WIPF2: variants seen among roughly 807,000 people sequenced by gnomAD.
WIPF2 encodes WAS/WASL-interacting protein family member 2.
A neutral mutation model predicts 38.8 loss-of-function variants in WIPF2; 23 were observed. The observed-to-expected ratio is 0.59, with a 90% CI of 0.43 to 0.84. The LOEUF is 0.84. Among genes scored for constraint, WIPF2 ranks in the 40% least tolerant of loss-of-function variants. The pLI is 0.00. For synonymous variants in WIPF2, 210 were observed against 223.2 expected (o/e 0.94, Z 0.53); for missense variants, 574 against 580.5 (o/e 0.99, Z 0.11).
At position 40,278,259 on chromosome 17, in the gene WIPF2, T is replaced by G; in HGVS notation, c.*34T>G. ...TTGGTCCCGTTCCTCAGGAAAAGGA[T>G]GGACCTTCTCTTCTTCTCAGATGGT... On this transcript the variant is annotated 3_prime_UTR_variant, in exon 8 of 8. Coordinates refer to ENST00000323571, the MANE Select transcript of WIPF2 (RefSeq NM_133264.5). 1 of 1,611,166 alleles carries G rather than the reference T, an allele frequency of 6.2e-7. No individual in the cohort carries two copies. The highest frequency in any genetic ancestry group is 8.5e-7 in the Non-Finnish European group (1 of 1,178,478).
chr17:40,232,558 A>G (rs1161351651), intron 1 of WIPF2, among the ~76,000 whole-genome samples: 5 of 151,476 alleles, frequency 3.3e-5, no homozygotes, highest in Non-Finnish European at 7.4e-5. Context: ...CCTGAGCTCA[A>G]GTGATCCACC....
intron 1 of WIPF2, among the ~76,000 whole-genome samples, chr17:40,229,441 T>C (rs1409904570): frequency 6.6e-6 from 1 of 150,928 alleles, no homozygotes; most frequent in Non-Finnish European, 1.5e-5. Flanking sequence ...TTATTTGTTT[T>C]AGACAGAGTC....
intron 1 of WIPF2, among the ~76,000 whole-genome samples, chr17:40,238,297 T>A (rs755508317): frequency 4.4e-4 from 67 of 152,284 alleles, no homozygotes; most frequent in Non-Finnish European, 8.8e-4. Flanking sequence ...TATTCAATTT[T>A]TATTATTTAT....
chr17:40,222,465 G>A (rs1293958425), intron 1 of WIPF2, among the ~76,000 whole-genome samples: 2 of 150,552 alleles, frequency 1.3e-5, no homozygotes, highest in African/African-American at 2.4e-5. Flanking sequence ...CTGAGATCGC[G>A]CCATTGCACT....
At chr17:40,257,730 G>A (rs564493076) in intron 2 of WIPF2, among the ~76,000 whole-genome samples, 25 of 137,336 alleles carry the variant, frequency 1.8e-4, no homozygotes, top group Admixed American at 1.3e-3. Context: ...GCGACAGAGC[G>A]AGGCTCCATC....
chr17:40,253,995 C>T (rs1013403794), intron 1 of WIPF2, among the ~76,000 whole-genome samples: 2 of 151,820 alleles, frequency 1.3e-5, no homozygotes, highest in Admixed American at 1.3e-4. Context: ...CCAGGCCTTC[C>T]CAGTGGGCTG....
intron 3 of WIPF2, 107 bp from the exon 4 acceptor site, chr17:40,262,418 T>A: frequency 1.2e-6 from 1 of 835,624 alleles, no homozygotes; most frequent in South Asian, 1.6e-5. Flanking sequence ...ACAAGACTGG[T>A]TTGTTTGCAA....
chr17:40,235,596 G>C (rs1440685426), intron 1 of WIPF2, among the ~76,000 whole-genome samples: 1 of 140,850 alleles, frequency 7.1e-6, no homozygotes, highest in Non-Finnish European at 1.5e-5. Context: ...TTTTTGAGAC[G>C]GAGTTTCGCT....
At chr17:40,229,068 T>C (rs1027022958) in intron 1 of WIPF2, among the ~76,000 whole-genome samples, 2 of 151,942 alleles carry the variant, frequency 1.3e-5, no homozygotes, top group African/African-American at 4.8e-5. Flanking sequence ...CATGGCTAAT[T>C]TTTGTAGTTT....
At chr17:40,230,756 C>T (rs1567709679) in intron 1 of WIPF2, among the ~76,000 whole-genome samples, 1 of 151,952 alleles carries the variant, frequency 6.6e-6, no homozygotes, top group Non-Finnish European at 1.5e-5. Context: ...AAAGAAAAAA[C>T]TTATTTACTG....
intron 1 of WIPF2, among the ~76,000 whole-genome samples, chr17:40,220,203 C>T (rs2030116658): frequency 1.3e-5 from 2 of 151,644 alleles, no homozygotes; most frequent in South Asian, 4.2e-4. Flanking sequence ...TCTTGAACTC[C>T]TGGGCTCAAG....
In WIPF2 at chr17:40,282,132, AAAG is replaced by A. The variant is rs1348323332; in HGVS notation, c.*3908_*3910del. 4.5e-4 allele frequency: 69 copies of A among 151,750 alleles called. 1 individual carries two copies. The highest frequency in any genetic ancestry group is 1.6e-3 in the African/African-American group (66 of 41,296). The allele number at this position is 151,750 out of a possible 1,614,324, so 9.4% of individuals were successfully genotyped here. ...CACGCAAAAAAAAAAAAAAAAAAAAAAAGGATAACTTTAACCGAAGGAAGGGTT... is the reference window on the plus strand; with the variant it reads ...CACGCAAAAAAAAAAAAAAAAAAAAAGATAACTTTAACCGAAGGAAGGGTT... On this transcript the variant is annotated 3_prime_UTR_variant, in exon 8 of 8. Transcript: ENST00000323571.
intron 2 of WIPF2, among the ~76,000 whole-genome samples, chr17:40,259,038 AAAAG>A (rs1366428528): frequency 6.7e-6 from 1 of 149,344 alleles, no homozygotes; most frequent in African/African-American, 2.4e-5. Context: ...AAAAAAAAAA[AAAAG>A]ATAAGTTTTT....
intron 3 of WIPF2, among the ~76,000 whole-genome samples, chr17:40,261,444 C>T (rs183269237): frequency 1.3e-4 from 19 of 151,966 alleles, no homozygotes; most frequent in African/African-American, 4.1e-4. Flanking sequence ...ATTATAGGCA[C>T]GTGCCACCAC....
chr17:40,244,245 T>C (rs777234917), intron 1 of WIPF2, among the ~76,000 whole-genome samples: 6 of 152,190 alleles, frequency 3.9e-5, no homozygotes, highest in Non-Finnish European at 8.8e-5. Flanking sequence ...CCTCTTGACA[T>C]TATTCCCTGT....
At chr17:40,225,604 ATAGTTAGCTAAAGGTAGGGT>A (rs1359432523) in intron 1 of WIPF2, among the ~76,000 whole-genome samples, 2 of 152,130 alleles carry the variant, frequency 1.3e-5, no homozygotes, top group Admixed American at 6.6e-5. Flanking sequence ...TTTTCAGGGG[ATAGTTAGCTAAAGGTAGGGT>A]TATCTCCAAT....
chr17:40,222,391 C>G (rs2145263832), intron 1 of WIPF2, among the ~76,000 whole-genome samples: 1 of 151,126 alleles, frequency 6.6e-6, no homozygotes, highest in South Asian at 2.1e-4. Context: ...GGCGCGCTGG[C>G]TCATGCCTAT....
At chr17:40,228,801 AGAC>A (rs753212877) in intron 1 of WIPF2, among the ~76,000 whole-genome samples, 1 of 151,892 alleles carries the variant, frequency 6.6e-6, no homozygotes, top group Non-Finnish European at 1.5e-5. Context: ...AATTTTTTGT[AGAC>A]GTGAGGTCTC....
At chr17:40,261,811 C>T (rs1223391987) in intron 3 of WIPF2, among the ~76,000 whole-genome samples, 11 of 151,306 alleles carry the variant, frequency 7.3e-5, no homozygotes, top group Non-Finnish European at 1.2e-4. Context: ...CTCAGCCTCC[C>T]GAGTAGCTGG....
Sources: gnomAD v4.1 joint callset for allele counts (sites outside exome capture counted in the v4.1 genomes callset) on GRCh38, gnomAD v4.1.1 for gene constraint, MANE v1.5 for transcripts, NCBI Gene and HGNC (gene_info 2026-07-23, HGNC 2026-07-21) for gene names.